The following JADE3 variants were observed in gnomAD, a reference collection of about 807,000 sequenced individuals.
The protein encoded by JADE3 is protein Jade-3.
A neutral mutation model predicts 50.1 loss-of-function variants in JADE3; 2 were observed. The observed-to-expected ratio is 0.04, with a 90% confidence interval of 0.02 to 0.13. The LOEUF (loss-of-function observed/expected upper bound fraction) is 0.13, where lower values mean the gene tolerates loss of function less well. Ranked by LOEUF, JADE3 falls within the 10% of genes least tolerant of loss-of-function variation. The pLI, the probability that JADE3 is intolerant of heterozygous loss-of-function variation, is 1.00. For missense variants in JADE3, 475 were observed against 634.4 expected (o/e 0.75, Z 2.70); for synonymous variants, 218 against 232.9 (o/e 0.94, Z 0.58).
chrX:46,931,725 A>G (rs1427645203), intron 1 of JADE3, among the ~76,000 whole-genome samples: 2 of 112,316 alleles, frequency 1.8e-5, no homozygotes, highest in East Asian at 2.8e-4. Context: ...CGCCCAGCCT[A>G]TATAAATTTT....
chrX:46,958,396 A>G (rs782541637), intron 1 of JADE3, among the ~76,000 whole-genome samples: 15 of 111,826 alleles, frequency 1.3e-4, no homozygotes, highest in Non-Finnish European at 2.6e-4. Flanking sequence ...CTTAGGGTCA[A>G]TAACCCTAAA....
chrX:46,984,463 A>G (rs1927821064), intron 1 of JADE3, among the ~76,000 whole-genome samples: 1 of 111,960 alleles, frequency 8.9e-6, no homozygotes, highest in African/African-American at 3.2e-5. Context: ...TCTTCAGCCA[A>G]CTATGTCTCA....
At chrX:46,937,706 C>T (rs1343747749) in intron 1 of JADE3, among the ~76,000 whole-genome samples, 1 of 112,067 alleles carries the variant, frequency 8.9e-6, no homozygotes, top group African/African-American at 3.2e-5. Context: ...TTTGGCCAGG[C>T]GTGGTGGCTC....
At position 46,912,474 on chromosome X, in the gene JADE3, C is replaced by G. The variant is rs1925976724; in HGVS notation, c.-257C>G. On this transcript the variant is annotated 5_prime_UTR_variant, in exon 1 of 11. Coordinates refer to ENST00000614628, the MANE Select transcript of JADE3 (RefSeq NM_014735.5). The stretch of plus-strand genomic sequence containing the variant: ...CGCCGCCTCAGCCGCCGCCGCCGCC[C>G]AACCGCCTGCCCAGCGCTGAGGCCT... The G allele has an allele frequency of 8.9e-6, 1 of 112,224 alleles. No homozygotes were observed. 9.2% of individuals were successfully genotyped at this position (112,224 alleles called of 1,213,427 possible). A position where few individuals can be genotyped will look rare whatever the true frequency, so the allele number is the denominator to read the frequency against.
At chrX:47,046,466 T>C (rs1309497549) in intron 8 of JADE3, among the ~76,000 whole-genome samples, 1 of 112,103 alleles carries the variant, frequency 8.9e-6, no homozygotes, top group Non-Finnish European at 1.9e-5. Context: ...GAAGAACTAG[T>C]ACCAGTGTTA....
intron 1 of JADE3, among the ~76,000 whole-genome samples, chrX:46,938,755 T>C (rs868971064): frequency 8.9e-6 from 1 of 112,459 alleles, no homozygotes; most frequent in Non-Finnish European, 1.9e-5. Flanking sequence ...ACATTTTTGC[T>C]GAGTATAGAA....
chrX:46,917,832 ATC>A (rs1926126508), intron 1 of JADE3, among the ~76,000 whole-genome samples: 1 of 8,031 alleles, frequency 1.2e-4, no homozygotes, highest in Admixed American at 1.3e-3. Context: ...ACTCTCTCTC[ATC>A]CTCTCTCTCT....
intron 1 of JADE3, among the ~76,000 whole-genome samples, chrX:46,968,905 A>G (rs782352633): frequency 1.6e-4 from 18 of 111,913 alleles, no homozygotes; most frequent in African/African-American, 1.9e-4. Context: ...CAGCAAAGAT[A>G]TAGAAGAAAT....
rs193230935 is a variant in JADE3 at position 47,007,146 on chromosome X, A to G, written c.284+8869A>G. Among the ~76,000 whole-genome samples, 286 of 111,339 alleles carry G rather than the reference A, an allele frequency of 2.6e-3. 2 individuals carry two copies. Among genetic ancestry groups the G allele is most frequent in the Admixed American group, 5.6e-3 (59 of 10,452 alleles). On this transcript the variant is annotated intron_variant, in intron 4 of 10. Coordinates refer to ENST00000614628, the MANE Select transcript of JADE3 (RefSeq NM_014735.5). Reference sequence around the variant, plus strand: ...CCACTGTGATCAGAAAACACACTCTATATAATTCCAGTTATTTAAATTTGT... The same window carrying G: ...CCACTGTGATCAGAAAACACACTCTGTATAATTCCAGTTATTTAAATTTGT...
chrX:47,029,527 T>C (rs1251594407), intron 6 of JADE3, among the ~76,000 whole-genome samples: 2 of 111,946 alleles, frequency 1.8e-5, no homozygotes, highest in Non-Finnish European at 3.8e-5. Context: ...ATATGATATG[T>C]ATTTTAGAAA....
intron 1 of JADE3, among the ~76,000 whole-genome samples, chrX:46,973,288 T>G (rs2147125716): frequency 8.9e-6 from 1 of 112,485 alleles, no homozygotes; most frequent in African/African-American, 3.2e-5. Context: ...CTTGGATGTT[T>G]TTTGAGGGCT....
In JADE3 at chrX:47,046,545, CCT is replaced by C. The variant is rs782089578; in HGVS notation, c.972+7481_972+7482del. Among the ~76,000 whole-genome samples, 3 of 111,692 alleles carry C rather than the reference CCT, an allele frequency of 2.7e-5. No individual in the cohort carries two copies. The South Asian group carries it at 1.1e-3, about 42-fold the overall frequency. On this transcript the variant is annotated intron_variant, in intron 8 of 10. Coordinates refer to ENST00000614628, the MANE Select transcript of JADE3 (RefSeq NM_014735.5). Reference sequence around the variant, plus strand: ...ACTCATTCTACAAAGCCAGTATTACCCTGATACCAAAATCAGACAAAGACACA... The same window carrying C: ...ACTCATTCTACAAAGCCAGTATTACCGATACCAAAATCAGACAAAGACACA...
chrX:46,994,644 CTG>C (rs1928085161), intron 3 of JADE3, among the ~76,000 whole-genome samples: 1 of 111,855 alleles, frequency 8.9e-6, no homozygotes, highest in East Asian at 2.8e-4. Flanking sequence ...TGCTTGGGAA[CTG>C]TGTCTTTGGG....
intron 4 of JADE3, 106 bp from the exon 5 acceptor site, chrX:47,024,618 T>C (rs1928866882): frequency 2.3e-6 from 1 of 440,668 alleles, no homozygotes; most frequent in East Asian, 4.0e-5. Context: ...ATTTGCTTTC[T>C]AGAAAGGAAT....
At chrX:47,019,495 C>T (rs1452410246) in intron 4 of JADE3, among the ~76,000 whole-genome samples, 1 of 111,845 alleles carries the variant, frequency 8.9e-6, no homozygotes, top group African/African-American at 3.3e-5. Flanking sequence ...AGTGATCTTC[C>T]TGCCTCAGCC....
chrX:47,056,029 C>G, intron 9 of JADE3, 53 bp from the exon 10 acceptor site: 2 of 772,718 alleles, frequency 2.6e-6, no homozygotes, highest in South Asian at 4.8e-5. Flanking sequence ...TTTCAGTTGT[C>G]AGGTTTGCTT....
intron 6 of JADE3, among the ~76,000 whole-genome samples, chrX:47,031,487 A>G (rs1435613800): frequency 9.0e-6 from 1 of 111,160 alleles, no homozygotes; most frequent in Non-Finnish European, 1.9e-5. Flanking sequence ...TTAAAATCTC[A>G]TTGAGTTCTG....
intron 6 of JADE3, among the ~76,000 whole-genome samples, chrX:47,032,815 G>A (rs1483771411): frequency 9.0e-6 from 1 of 111,420 alleles, no homozygotes; most frequent in Non-Finnish European, 1.9e-5. Context: ...TTGAATCTGA[G>A]TTGAGGGTGA....
chrX:46,983,862 C>T lies in JADE3; in HGVS notation c.-11-1022C>T, dbSNP rs1475167863. ...AGGGTCGTCCATGGAGCTGCTCACA[C>T]TGTTATGCCAGAAGTGGAACTCTGT... On this transcript the variant is annotated intron_variant, in intron 1 of 10. Coordinates refer to ENST00000614628, the MANE Select transcript of JADE3 (RefSeq NM_014735.5). 3.6e-5 allele frequency among the ~76,000 whole-genome samples: 4 copies of T among 111,002 alleles called. No individual in the cohort carries two copies. In the East Asian group the frequency reaches 8.5e-4, roughly 23 times the overall value.
Sources: allele counts gnomAD v4.1 joint callset (sites outside exome capture counted in the v4.1 genomes callset), GRCh38; gene constraint gnomAD v4.1.1; transcripts MANE v1.5; gene names NCBI Gene and HGNC (gene_info 2026-07-23, HGNC 2026-07-21).